ADNP: variants seen among roughly 807,000 people sequenced by gnomAD.
ADNP encodes activity dependent neuroprotector homeobox, also known as activity-dependent neuroprotector homeobox protein.
ADNP carries 4 observed loss-of-function variants against 84.9 expected under a neutral mutation model. The ratio of observed to expected loss-of-function variants is 0.05; its 90% CI spans 0.02 to 0.11. The LOEUF (loss-of-function observed/expected upper bound fraction) is 0.11, where lower values mean the gene tolerates loss of function less well. Among genes scored for constraint, ADNP ranks in the 10% least tolerant of loss-of-function variants. ADNP has a pLI of 1.00. For synonymous variants in ADNP, 554 were observed against 468.1 expected (o/e 1.18, Z -2.37); for missense variants, 1,132 against 1,326.0 (o/e 0.85, Z 2.27).
At chr20:50,922,578 GTT>G (rs58775431) in intron 2 of ADNP, among the ~76,000 whole-genome samples, 8 of 125,452 alleles carry the variant, frequency 6.4e-5, no homozygotes, top group Admixed American at 2.4e-4. Context: ...GTCCTCCTGC[GTT>G]TTTTTTTTTT....
At chr20:50,908,272 T>A (rs963837798) in intron 2 of ADNP, among the ~76,000 whole-genome samples, 5 of 149,544 alleles carry the variant, frequency 3.3e-5, no homozygotes, top group African/African-American at 1.2e-4. Context: ...CAGCTCCCCA[T>A]CCCAGAAGGG....
In ADNP at chr20:50,893,640, G is replaced by A. The variant is rs769876526; in HGVS notation, c.1074C>T (p.Ser358=). 6 of 1,614,054 alleles carry A rather than the reference G, an allele frequency of 3.7e-6. No homozygotes were observed. The East Asian group carries it at 1.3e-4, about 36-fold the overall frequency. ...TTACAGACTGAGATTGTTGAGGAAT[G>A]GAAACTGGTGCGTTGCCACCTAGAC... is the stretch of plus-strand genomic sequence containing the variant. ...RLGLGGNAPV[S]IPQQSQSVKQ... The change falls in exon 6 of 6, where the codon TCC becomes TCT. Residue 358 remains serine (S), a synonymous_variant. Coordinates refer to ENST00000621696, the MANE Select transcript of ADNP (RefSeq NM_001282531.3). This position sits in a 1 kb window ranked among gnomAD's most constrained non-coding sequence, Gnocchi z 4.4.
intron 2 of ADNP, among the ~76,000 whole-genome samples, chr20:50,927,655 C>T (rs1172860788): frequency 2.0e-5 from 3 of 152,044 alleles, no homozygotes; most frequent in African/African-American, 7.2e-5. Context: ...CTCAGCCTCC[C>T]AAAGTTTTGG....
intron 2 of ADNP, among the ~76,000 whole-genome samples, chr20:50,912,755 C>G (rs1338605608): frequency 6.6e-6 from 1 of 152,102 alleles, no homozygotes; most frequent in Non-Finnish European, 1.5e-5. Context: ...TTAGTCTGAT[C>G]AAAGTATGAA....
At chr20:50,916,668 T>C (rs1337594385) in intron 2 of ADNP, among the ~76,000 whole-genome samples, 1 of 152,222 alleles carries the variant, frequency 6.6e-6, no homozygotes, top group Non-Finnish European at 1.5e-5. Flanking sequence ...AAAAATACAT[T>C]TGTGTCAGTG....
In ADNP at chr20:50,892,912, G is replaced by T; in HGVS notation, c.1802C>A (p.Ala601Glu). 1 of 1,614,242 alleles carries T rather than the reference G, an allele frequency of 6.2e-7. No homozygotes were observed. ...PKPQPKVQEK[A>E]DIPVKSSPQA... is the part of the protein sequence containing the mutation. ...AGGTGAACTTTTTACAGGGATATCT[G>T]CCTTTTCCTGAACCTTTGGCTGTGG... The change falls in exon 6 of 6, where the codon GCA becomes GAA. Residue 601 changes from alanine to glutamate, a missense_variant. Ala to Glu is a moderately radical substitution (Grantham distance 107, BLOSUM62 -1). This residue lies in a region of ADNP where 53 missense variants were observed against 39.8 expected (regional missense o/e 1.33). Transcript: ENST00000621696.
At chr20:50,920,279 A>AG (rs1983861467) in intron 2 of ADNP, among the ~76,000 whole-genome samples, 3 of 149,172 alleles carry the variant, frequency 2.0e-5, no homozygotes, top group South Asian at 2.1e-4. Context: ...AAAAAAAAAA[A>AG]AAAAAGAAAG....
At chr20:50,925,341 T>C (rs970475956) in intron 2 of ADNP, among the ~76,000 whole-genome samples, 1 of 151,904 alleles carries the variant, frequency 6.6e-6, no homozygotes, top group Admixed American at 6.6e-5. Context: ...CATGATAATA[T>C]GTGAGGAGAG....
chr20:50,923,326 C>A (rs776164889), intron 2 of ADNP, among the ~76,000 whole-genome samples: 1 of 152,130 alleles, frequency 6.6e-6, no homozygotes, highest in Non-Finnish European at 1.5e-5. Context: ...AAATATATTT[C>A]TTTCACTATT....
intron 5 of ADNP, among the ~76,000 whole-genome samples, chr20:50,898,279 G>T (rs185172808): frequency 1.3e-5 from 2 of 152,208 alleles, no homozygotes; most frequent in East Asian, 3.9e-4. Flanking sequence ...AACGATTCTT[G>T]AATTGTTTAC....
At chr20:50,902,404 C>T (rs767939702) in intron 4 of ADNP, among the ~76,000 whole-genome samples, 1 of 152,152 alleles carries the variant, frequency 6.6e-6, no homozygotes, top group African/African-American at 2.4e-5. Flanking sequence ...AAGCACTTTT[C>T]ATTAGAGTAC....
rs367840357 is a variant in ADNP, at chr20:50,892,878, T to C, written c.1836A>G (p.Ala612=). The part of the protein sequence containing the change: ...DIPVKSSPQA[A]VPYKKDVGKT... ...TCCCAACATCTTTTTTATAGGGCAC[T>C]GCAGCTTGAGGTGAACTTTTTACAG... is the stretch of plus-strand genomic sequence containing the variant. The change falls in exon 6 of 6, where the codon GCA becomes GCG. Residue 612 remains alanine, a synonymous_variant. Transcript: ENST00000621696. 6 of 1,614,156 alleles carry C rather than the reference T, an allele frequency of 3.7e-6. No individual in the cohort carries two copies. The highest frequency in any genetic ancestry group is 2.2e-5 in the East Asian group (1 of 44,906).
At chr20:50,930,093 G>C (rs911656077) in intron 1 of ADNP, among the ~76,000 whole-genome samples, 1 of 151,950 alleles carries the variant, frequency 6.6e-6, no homozygotes, top group African/African-American at 2.4e-5. Context: ...AGGTGAATAC[G>C]AGTGTGTTCA....
At chr20:50,906,465 A>G (rs555478781) in intron 2 of ADNP, among the ~76,000 whole-genome samples, 3 of 152,310 alleles carry the variant, frequency 2.0e-5, no homozygotes, top group South Asian at 4.1e-4. Flanking sequence ...TTCACACTTC[A>G]TAACAGATGT....
At chr20:50,923,021 C>A (rs1244087984) in intron 2 of ADNP, among the ~76,000 whole-genome samples, 2 of 152,006 alleles carry the variant, frequency 1.3e-5, no homozygotes, top group African/African-American at 4.8e-5. Flanking sequence ...TGCCTTGGGA[C>A]ACGTGTAAGG....
intron 2 of ADNP, among the ~76,000 whole-genome samples, chr20:50,928,065 T>C (rs915399355): frequency 6.6e-6 from 1 of 152,238 alleles, no homozygotes; most frequent in Non-Finnish European, 1.5e-5. Context: ...AAGCAATGTC[T>C]CTAGTCAAAT....
intron 2 of ADNP, among the ~76,000 whole-genome samples, chr20:50,910,642 C>A (rs1429752188): frequency 6.6e-6 from 1 of 152,090 alleles, no homozygotes; most frequent in African/African-American, 2.4e-5. Context: ...TGATGAACTA[C>A]ATGTAAACAT....
intron 2 of ADNP, among the ~76,000 whole-genome samples, chr20:50,925,879 T>C (rs985788798): frequency 1.3e-5 from 2 of 152,232 alleles, no homozygotes; most frequent in Non-Finnish European, 2.9e-5. Flanking sequence ...GGCAGGCGGA[T>C]CACCTGAGGT....
chr20:50,923,700 T>C (rs1280862015), intron 2 of ADNP, among the ~76,000 whole-genome samples: 1 of 152,150 alleles, frequency 6.6e-6, no homozygotes, highest in African/African-American at 2.4e-5. Context: ...GTATTTTTAG[T>C]AGAGATGGGG....
Sources: gnomAD v4.1 joint callset for allele counts (sites outside exome capture counted in the v4.1 genomes callset) on GRCh38, gnomAD v4.1.1 for gene constraint, gnomAD v4.1.1 regional missense constraint, Gnocchi (gnomAD v3.1) non-coding constraint, MANE v1.5 for transcripts, NCBI Gene and HGNC (gene_info 2026-07-23, HGNC 2026-07-21) for gene names.